The following ZNF883 variants were observed in gnomAD, a reference collection of about 807,000 sequenced individuals.
The protein encoded by ZNF883 is zinc finger protein 883.
At chr9:113,009,246 G>A (rs1002857820) in intron 2 of ZNF883, among the ~76,000 whole-genome samples, 10 of 152,154 alleles carry the variant, frequency 6.6e-5, no homozygotes, top group Admixed American at 2.0e-4. Context: ...CACCTCCTAC[G>A]TTTTCTCTTC....
chr9:113,000,073 C>G (rs1000611395), upstream of ZNF883, among the ~76,000 whole-genome samples: 2 of 152,080 alleles, frequency 1.3e-5, no homozygotes, highest in African/African-American at 2.4e-5. Context: ...CTCAGGAAAT[C>G]TGGAGGGCTT....
chr9:112,997,833 G>A (rs949302787), exon 1 of ZNF883: 4 of 1,612,964 alleles, frequency 2.5e-6, no homozygotes, highest in Non-Finnish European at 3.4e-6. Flanking sequence ...ATTCTATGAT[G>A]TTGAGTAAGG....
chr9:112,990,481 A>G (rs1828291358), intron 1 of ZNF883, among the ~76,000 whole-genome samples: 1 of 152,322 alleles, frequency 6.6e-6, no homozygotes, highest in South Asian at 2.1e-4. Flanking sequence ...ATATTAGTGG[A>G]TAAGCATTTT....
At chr9:112,990,796 C>T (rs185289468) in intron 1 of ZNF883, among the ~76,000 whole-genome samples, 3 of 151,938 alleles carry the variant, frequency 2.0e-5, no homozygotes, top group Non-Finnish European at 2.9e-5. Context: ...TTTCAGAACT[C>T]GTTATTGGTC....
At chr9:113,009,677 T>G (rs965524587) in intron 2 of ZNF883, among the ~76,000 whole-genome samples, 1 of 152,124 alleles carries the variant, frequency 6.6e-6, no homozygotes, top group East Asian at 1.9e-4. Flanking sequence ...GCCCAGCTAA[T>G]TTTTGTATTT....
downstream of ZNF883, among the ~76,000 whole-genome samples, chr9:112,992,209 G>A (rs528281438): frequency 1.3e-5 from 2 of 152,344 alleles, no homozygotes; most frequent in South Asian, 4.1e-4. Flanking sequence ...TGTTTTAGGA[G>A]TGGCTGGAAA....
At chr9:112,999,556 C>A (rs1828401610), upstream of ZNF883, 3 of 152,222 alleles carry the variant, frequency 2.0e-5, no homozygotes, top group South Asian at 6.2e-4. Flanking sequence ...CTGGTCCTCC[C>A]ATACTTCTGA....
At chr9:112,991,997 T>G (rs1290247210) in intron 1 of ZNF883, among the ~76,000 whole-genome samples, 1 of 152,256 alleles carries the variant, frequency 6.6e-6, no homozygotes, top group African/African-American at 2.4e-5. Flanking sequence ...ATGAGTCTCT[T>G]GAATACAACA....
At position 113,007,504 on chromosome 9, in the gene ZNF883, C is replaced by T. The variant is rs186361626; in HGVS notation, n.165+3637G>A. 1.9e-3 allele frequency among the ~76,000 whole-genome samples: 287 copies of T among 152,302 alleles called. 3 individuals carry two copies. Among genetic ancestry groups the T allele is most frequent in the Non-Finnish European group, 5.4e-4 (37 of 68,024 alleles). ...AAAAACCCTGTGGTTACTATGTTCT[C>T]AACTCATAATGATCCCTGTAATCAG... On this transcript the variant is annotated intron_variant and non_coding_transcript_variant, in intron 2 of 4. Transcript: ENST00000638622.
intron 1 of ZNF883, among the ~76,000 whole-genome samples, chr9:112,990,846 T>A (rs1436210674): frequency 6.6e-6 from 1 of 152,100 alleles, no homozygotes; most frequent in Non-Finnish European, 1.5e-5. Context: ...CTTGGGAGGG[T>A]GTATGTGTCC....
chr9:112,997,790 TC>T, exon 1 of ZNF883: 1 of 1,613,582 alleles, frequency 6.2e-7, no homozygotes, highest in Non-Finnish European at 8.5e-7. Context: ...TTTTCCACAT[TC>T]AGTACATTCA....
chr9:113,006,731 T>C (rs1828480426), intron 2 of ZNF883, among the ~76,000 whole-genome samples: 2 of 152,180 alleles, frequency 1.3e-5, no homozygotes, highest in Non-Finnish European at 2.9e-5. Flanking sequence ...TGGGTACCTA[T>C]CTAATACCCA....
rs551002693 is a variant in ZNF883, at chr9:112,998,152, A to C, written n.108T>G. The C allele has an allele frequency of 4.3e-5, 69 of 1,613,930 alleles. No individual in the cohort carries two copies. In the African/African-American group the frequency reaches 6.0e-4, roughly 14 times the overall value. ...TTTTACATTCATAAGGTTTTTCTCC[A>C]ATATGTGTTTTCTGATGCTGGGTCA... On this transcript the variant is annotated non_coding_transcript_exon_variant, in exon 1 of 1. Transcript: ENST00000639662.
At chr9:113,002,336 T>C (rs962903244), upstream of ZNF883, among the ~76,000 whole-genome samples, 7 of 152,160 alleles carry the variant, frequency 4.6e-5, no homozygotes, top group African/African-American at 1.7e-4. Context: ...TAAGAAAATA[T>C]TGCAGCCAAT....
chr9:112,997,166 A>G, exon 1 of ZNF883: 1 of 1,611,644 alleles, frequency 6.2e-7, no homozygotes, highest in Non-Finnish European at 8.5e-7. Context: ...CTGATGTCGA[A>G]TTAAGGATGT....
chr9:112,995,044 C>T (rs1828336682), downstream of ZNF883, among the ~76,000 whole-genome samples: 1 of 152,002 alleles, frequency 6.6e-6, no homozygotes, highest in Non-Finnish European at 1.5e-5. Flanking sequence ...ACTTGACGGT[C>T]CAAATATGTG....
chr9:113,004,673 T>C (rs1355737026), intron 2 of ZNF883, among the ~76,000 whole-genome samples: 2 of 151,826 alleles, frequency 1.3e-5, no homozygotes, highest in East Asian at 1.9e-4. Context: ...TCCAGAACTA[T>C]GAGAAAGAAA....
downstream of ZNF883, among the ~76,000 whole-genome samples, chr9:112,996,573 T>C (rs1964879): frequency 0.47 from 70,254 of 149,328 alleles, 18,136 homozygotes; most frequent in East Asian, 0.81. Context: ...GGGCAGATCA[T>C]GAGGTCAGGA....
chr9:112,990,249 G>A (rs904096622), intron 1 of ZNF883, among the ~76,000 whole-genome samples: 4 of 152,102 alleles, frequency 2.6e-5, no homozygotes, highest in African/African-American at 9.7e-5. Flanking sequence ...ATTGGCTGTG[G>A]GTTTGTCATG....
Sources: gnomAD v4.1 joint callset for allele counts (sites outside exome capture counted in the v4.1 genomes callset) on GRCh38, gnomAD v4.1.1 for gene constraint, MANE v1.5 for transcripts, NCBI Gene and HGNC (gene_info 2026-07-23, HGNC 2026-07-21) for gene names.